Variants in EFHD1 observed in about 807,000 individuals in gnomAD.
EFHD1 encodes the protein EF-hand domain-containing protein D1.
A neutral mutation model predicts 17.2 loss-of-function variants in EFHD1; 10 were observed. That is an observed-to-expected ratio of 0.58 (90% CI 0.36 to 0.99). The LOEUF (loss-of-function observed/expected upper bound fraction) is 0.99, where lower values mean the gene tolerates loss of function less well. EFHD1 is among the 50% of genes least tolerant of loss of function. EFHD1 has a pLI of 0.01. For synonymous variants in EFHD1, 153 were observed against 142.0 expected (o/e 1.08, Z -0.55); for missense variants, 310 against 327.5 (o/e 0.95, Z 0.41).
At chr2:232,663,492 C>T (rs916153514) in intron 2 of EFHD1, among the ~76,000 whole-genome samples, 2 of 152,058 alleles carry the variant, frequency 1.3e-5, no homozygotes, top group Non-Finnish European at 2.9e-5. Context: ...GCCTTAGCCT[C>T]CCAAGTAGCT....
upstream of EFHD1, among the ~76,000 whole-genome samples, chr2:232,630,641 C>T (rs1051742690): frequency 2.6e-5 from 4 of 151,926 alleles, no homozygotes; most frequent in Non-Finnish European, 4.4e-5. Context: ...ACAATCCACT[C>T]CCATTAATTT....
At chr2:232,649,418 G>A (rs1223351818) in intron 1 of EFHD1, among the ~76,000 whole-genome samples, 2 of 152,320 alleles carry the variant, frequency 1.3e-5, no homozygotes, top group African/African-American at 2.4e-5. Context: ...TCCTCTGATA[G>A]GACTGGGCCC....
At chr2:232,656,176 T>A (rs1212965788) in intron 1 of EFHD1, among the ~76,000 whole-genome samples, 2 of 152,052 alleles carry the variant, frequency 1.3e-5, no homozygotes, top group Non-Finnish European at 2.9e-5. Context: ...CTCCCTGAAG[T>A]GTGAGGTCTG....
chr2:232,614,759 T>C (rs1693891337), intron 1 of EFHD1, among the ~76,000 whole-genome samples: 1 of 152,158 alleles, frequency 6.6e-6, no homozygotes, highest in Non-Finnish European at 1.5e-5. Flanking sequence ...GTGGATTATT[T>C]GAGCCCTGGA....
upstream of EFHD1, among the ~76,000 whole-genome samples, chr2:232,632,614 CT>C (rs1308855729): frequency 6.6e-6 from 1 of 151,914 alleles, no homozygotes; most frequent in African/African-American, 2.4e-5. Flanking sequence ...TTTCCTCCCC[CT>C]CTCCCTCCTT....
intron 1 of EFHD1, among the ~76,000 whole-genome samples, chr2:232,621,931 G>T (rs1437244072): frequency 6.6e-6 from 1 of 152,208 alleles, no homozygotes; most frequent in Non-Finnish European, 1.5e-5. Flanking sequence ...AGCCAGGATA[G>T]TTTATTATTA....
intron 1 of EFHD1, among the ~76,000 whole-genome samples, chr2:232,640,486 G>C (rs1213868436): frequency 6.6e-6 from 1 of 152,168 alleles, no homozygotes; most frequent in African/African-American, 2.4e-5. Context: ...ATCACCATGA[G>C]CCCCTTTCCA....
chr2:232,622,803 G>A (rs1336228281), intron 1 of EFHD1, among the ~76,000 whole-genome samples: 1 of 152,098 alleles, frequency 6.6e-6, no homozygotes, highest in Non-Finnish European at 1.5e-5. Context: ...CTTGAAATGT[G>A]GCCAGTCTGA....
intron 1 of EFHD1, among the ~76,000 whole-genome samples, chr2:232,615,906 T>C (rs1041507258): frequency 2.0e-5 from 3 of 152,150 alleles, no homozygotes; most frequent in Non-Finnish European, 4.4e-5. Context: ...AGGCTGGTCT[T>C]GAATTCCCGA....
chr2:232,621,435 G>A (rs886107001), intron 1 of EFHD1, among the ~76,000 whole-genome samples: 1 of 136,560 alleles, frequency 7.3e-6, no homozygotes, highest in African/African-American at 2.8e-5. Flanking sequence ...TCTTGTGATT[G>A]GTATTCTTTC....
intron 1 of EFHD1, among the ~76,000 whole-genome samples, chr2:232,626,273 T>C (rs936819690): frequency 1.3e-5 from 2 of 152,112 alleles, no homozygotes; most frequent in Admixed American, 1.3e-4. Flanking sequence ...AGGCTGGGCA[T>C]GTTGGCTCAC....
At chr2:232,641,611 T>C (rs532448031) in intron 1 of EFHD1, among the ~76,000 whole-genome samples, 112 of 152,340 alleles carry the variant, frequency 7.4e-4, no homozygotes, top group African/African-American at 2.6e-3. Flanking sequence ...CCTGCCATTG[T>C]GATATGAAAG....
intron 1 of EFHD1, among the ~76,000 whole-genome samples, chr2:232,660,484 G>C (rs1694844560): frequency 1.3e-5 from 2 of 151,988 alleles, no homozygotes; most frequent in Non-Finnish European, 2.9e-5. Context: ...ACAGGTGTGA[G>C]CCACTGCGCC....
intron 2 of EFHD1, among the ~76,000 whole-genome samples, chr2:232,666,665 G>T (rs933227379): frequency 3.3e-5 from 5 of 152,180 alleles, no homozygotes; most frequent in Non-Finnish European, 7.3e-5. Flanking sequence ...AAGGGTTCCT[G>T]TGATTGGTTT....
At chr2:232,655,102 T>C (rs1378246509) in intron 1 of EFHD1, among the ~76,000 whole-genome samples, 1 of 152,218 alleles carries the variant, frequency 6.6e-6, no homozygotes, top group East Asian at 1.9e-4. Flanking sequence ...GCGAATTCTG[T>C]TGGAACACGC....
intron 1 of EFHD1, among the ~76,000 whole-genome samples, chr2:232,662,277 A>T (rs1218487288): frequency 6.6e-6 from 1 of 152,064 alleles, no homozygotes; most frequent in African/African-American, 2.4e-5. Context: ...ATCATGAGCC[A>T]GAGTCATGAT....
At chr2:232,639,888 C>G (rs964731723) in intron 1 of EFHD1, among the ~76,000 whole-genome samples, 2 of 152,162 alleles carry the variant, frequency 1.3e-5, no homozygotes, top group Admixed American at 1.3e-4. Context: ...ACATGCCTAC[C>G]TGCGTGCTCA....
chr2:232,656,522 C>T (rs1018565775), intron 1 of EFHD1, among the ~76,000 whole-genome samples: 14 of 151,434 alleles, frequency 9.2e-5, no homozygotes, highest in African/African-American at 3.4e-4. Flanking sequence ...GCAGCCTCGA[C>T]CTCCCAGGCT....
intron 2 of EFHD1, among the ~76,000 whole-genome samples, chr2:232,666,284 C>T (rs1286709476): frequency 6.6e-6 from 1 of 152,218 alleles, no homozygotes; most frequent in Non-Finnish European, 1.5e-5. Flanking sequence ...GGGCTGTGGC[C>T]TCCGTGCCAC....
Sources: allele counts gnomAD v4.1 joint callset (sites outside exome capture counted in the v4.1 genomes callset), GRCh38; gene constraint gnomAD v4.1.1; transcripts MANE v1.5; gene names NCBI Gene and HGNC (gene_info 2026-07-23, HGNC 2026-07-21).